Variants in ACTN1 observed in about 807,000 individuals in gnomAD.
ACTN1 encodes the protein alpha-actinin-1.
A neutral mutation model predicts 119.6 loss-of-function variants in ACTN1; 30 were observed. The observed-to-expected ratio is 0.25, with a 90% CI of 0.19 to 0.34. The LOEUF (loss-of-function observed/expected upper bound fraction) is 0.34, where lower values mean the gene tolerates loss of function less well. Ranked by LOEUF, ACTN1 falls within the 10% of genes least tolerant of loss-of-function variation. The pLI, the probability that ACTN1 is intolerant of heterozygous loss-of-function variation, is 1.00. For missense variants in ACTN1, 764 were observed against 1,223.4 expected, an observed-to-expected ratio of 0.62 and a Z score of 5.60; for synonymous variants, 429 against 472.6, an observed-to-expected ratio of 0.91 and a Z score of 1.20.
chr14:68,959,963 G>A (rs1173919039), intron 1 of ACTN1, among the ~76,000 whole-genome samples: 1 of 152,178 alleles, frequency 6.6e-6, no homozygotes, highest in African/African-American at 2.4e-5. Context: ...CGACATCCAT[G>A]TTGTATGTTA....
chr14:68,920,117 G>A (rs2034559507), intron 3 of ACTN1, among the ~76,000 whole-genome samples: 2 of 152,230 alleles, frequency 1.3e-5, no homozygotes, highest in Non-Finnish European at 2.9e-5. Flanking sequence ...GCCACTTACT[G>A]ATGGCGGAAC....
rs984138344 is a variant in ACTN1, at chr14:68,879,271, C to A, written c.2281-202G>T. ...AACGAGGCTCCAGGGGGTGCCCTCC[C>A]CCCAGCACACGCAGCCCTGCTCCAG... On this transcript the variant is annotated intron_variant, in intron 18 of 21. Transcript: ENST00000394419. The surrounding 1 kb of genome is among the most constrained non-coding windows in gnomAD (Gnocchi z 4.9). Among the ~76,000 whole-genome samples, 1 of 151,986 alleles carries A rather than the reference C, an allele frequency of 6.6e-6. No individual in the cohort carries two copies. Among genetic ancestry groups the A allele is most frequent in the African/African-American group, 2.4e-5 (1 of 41,370 alleles).
chr14:68,877,055 C>A (rs777295117), intron 21 of ACTN1, 27 bp downstream of exon 21: 4 of 1,612,704 alleles, frequency 2.5e-6, no homozygotes, highest in Non-Finnish European at 2.5e-6. Flanking sequence ...GCCACCCCAG[C>A]ACAGTGCCCA....
chr14:68,974,033 C>T (rs1320724340), intron 1 of ACTN1: 3 of 152,330 alleles, frequency 2.0e-5, no homozygotes, highest in African/African-American at 4.8e-5. Flanking sequence ...ACCAACATCT[C>T]TCTATGCACT....
At chr14:68,944,004 C>T (rs933276628) in intron 1 of ACTN1, among the ~76,000 whole-genome samples, 13 of 152,314 alleles carry the variant, frequency 8.5e-5, no homozygotes, top group South Asian at 2.1e-4. Flanking sequence ...TCAAGCCACA[C>T]GGGCACCCAC....
Position 68,904,662 on chromosome 14 carries a change from A to G in ACTN1, c.669T>C (p.Asp223=), listed in dbSNP as rs778570282. ...AAGGAAAGCGCCTTTCACCTTCGGC[A>G]TCCAGCATCTTGGGGATGTCCAGGT... ...EKYLDIPKML[D]AEDIVGTARP... is the part of the protein sequence containing the mutation. The change falls in exon 7 of 22, where the codon GAT becomes GAC. Residue 223 remains aspartate, a synonymous_variant. Coordinates refer to ENST00000394419, the MANE Select transcript of ACTN1 (RefSeq NM_001130004.2). 2 of 1,614,060 alleles carry G rather than the reference A, an allele frequency of 1.2e-6. No individual in the cohort carries two copies. The highest frequency in any genetic ancestry group is 1.3e-5 in the African/African-American group (1 of 75,062).
chr14:68,893,777 A>C (rs1189448212), intron 8 of ACTN1, 30 bp from the exon 9 acceptor site: 2 of 1,609,544 alleles, frequency 1.2e-6, no homozygotes, highest in East Asian at 2.2e-5. Flanking sequence ...AGTCACGACC[A>C]GCCAGCCCCA....
intron 6 of ACTN1, among the ~76,000 whole-genome samples, chr14:68,907,810 A>G (rs2033757657): frequency 6.6e-6 from 1 of 152,132 alleles, no homozygotes; most frequent in Non-Finnish European, 1.5e-5. Context: ...GGGGATGTCC[A>G]ACAGCTGTGG....
chr14:68,940,954 C>T (rs750378944), intron 1 of ACTN1, among the ~76,000 whole-genome samples: 5 of 152,188 alleles, frequency 3.3e-5, no homozygotes, highest in African/African-American at 7.2e-5. Context: ...CTGGGTCACC[C>T]GGACCCCTCA....
intron 1 of ACTN1, among the ~76,000 whole-genome samples, chr14:68,933,109 T>C (rs565484972): frequency 2.0e-5 from 3 of 152,106 alleles, no homozygotes; most frequent in East Asian, 1.9e-4. Flanking sequence ...GTAGGACAAG[T>C]TAGTCCTTAC....
intron 7 of ACTN1, among the ~76,000 whole-genome samples, chr14:68,904,284 G>A (rs1254894244): frequency 6.6e-6 from 1 of 152,134 alleles, no homozygotes. Flanking sequence ...AGGGCTCAGA[G>A]GGTGAGGACA....
At chr14:68,919,547 G>A (rs1400034081) in intron 3 of ACTN1, among the ~76,000 whole-genome samples, 1 of 152,244 alleles carries the variant, frequency 6.6e-6, no homozygotes, top group African/African-American at 2.4e-5. Context: ...CTTTTAACAT[G>A]TATTGAGCAC....
At chr14:68,977,961 G>A (rs1370766422) in intron 1 of ACTN1, 1 of 456,046 alleles carries the variant, frequency 2.2e-6, no homozygotes, top group East Asian at 7.0e-5. Flanking sequence ...GCGCAGGCAG[G>A]AAGCAGCGGT....
rs2031657941 is a variant in ACTN1 at position 68,882,653 on chromosome 14, T to A, written c.1819-61A>T. 1.2e-6 allele frequency: 2 copies of A among 1,603,554 alleles called. No homozygotes were observed. Among genetic ancestry groups the A allele is most frequent in the Admixed American group, 1.7e-5 (1 of 59,748 alleles). On this transcript the variant is annotated intron_variant, in intron 15 of 21. Coordinates refer to ENST00000394419, the MANE Select transcript of ACTN1 (RefSeq NM_001130004.2). This position sits in a 1 kb window ranked among gnomAD's most constrained non-coding sequence, Gnocchi z 4.5. ...GTCAGCCATCTGTCCATGTGCCAGA[T>A]GAGGAAATGGAGGACCCAGAAGGGG...
Position 68,978,991 on chromosome 14 carries a change from G to T in ACTN1, c.66C>A (p.Asp22Glu). 1.9e-6 allele frequency: 3 copies of T among 1,602,600 alleles called. No individual in the cohort carries two copies. Among genetic ancestry groups the T allele is most frequent in the Non-Finnish European group, 2.6e-6 (3 of 1,174,324 alleles). Reference sequence around the variant, plus strand: ...TCTCCCAGGCCGGGTCCAGGAGCAGGTCCCGGTCCCAGTCCTCTTCTGGCT... The same window carrying T: ...TCTCCCAGGCCGGGTCCAGGAGCAGTTCCCGGTCCCAGTCCTCTTCTGGCT... ...YMQPEEDWDR[D>E]LLLDPAWEKQ... is the part of the protein sequence containing the mutation. Residue 22 changes from aspartate to glutamate, a missense_variant, in exon 1 of 22, where the codon GAC (aspartate) becomes GAA (glutamate). Coordinates refer to ENST00000394419, the MANE Select transcript of ACTN1 (RefSeq NM_001130004.2).
chr14:68,899,164 CACACCTCACACCCT>C (rs2033113140), intron 8 of ACTN1, among the ~76,000 whole-genome samples: 2 of 147,756 alleles, frequency 1.4e-5, no homozygotes, highest in Non-Finnish European at 3.0e-5. Context: ...ACACCACACA[CACACCTCACACCCT>C]ACACCTCACA....
intron 3 of ACTN1, among the ~76,000 whole-genome samples, chr14:68,920,417 A>G (rs1566638234): frequency 6.6e-6 from 1 of 152,114 alleles, no homozygotes; most frequent in Admixed American, 6.6e-5. Context: ...CCCACTCTCA[A>G]TTTTTCAGAG....
intron 1 of ACTN1, among the ~76,000 whole-genome samples, chr14:68,941,238 T>A (rs1048313285): frequency 1.3e-5 from 2 of 152,192 alleles, no homozygotes; most frequent in South Asian, 2.1e-4. Context: ...AACAGCAGGA[T>A]AATTCAGTGC....
At chr14:68,899,108 C>T (rs1354038259) in intron 8 of ACTN1, among the ~76,000 whole-genome samples, 1 of 143,538 alleles carries the variant, frequency 7.0e-6, no homozygotes, top group Non-Finnish European at 1.5e-5. Context: ...ACACCATACC[C>T]CTCCACACCA....
Sources: gnomAD v4.1 joint callset for allele counts (sites outside exome capture counted in the v4.1 genomes callset) on GRCh38, gnomAD v4.1.1 for gene constraint, Gnocchi (gnomAD v3.1) non-coding constraint, MANE v1.5 for transcripts, NCBI Gene and HGNC (gene_info 2026-07-23, HGNC 2026-07-21) for gene names.